AKR1C3: variants seen among roughly 807,000 people sequenced by gnomAD.
AKR1C3 encodes the protein aldo-keto reductase family 1 member C3.
AKR1C3 carries 48 observed loss-of-function variants against 43.6 expected under a neutral mutation model. The ratio of observed to expected loss-of-function variants is 1.10; its 90% CI spans 0.87 to 1.40. The LOEUF (loss-of-function observed/expected upper bound fraction) is 1.40. Ranked by LOEUF, AKR1C3 falls within the 40% of genes most tolerant of loss-of-function variation. AKR1C3 has a pLI of 0.00. For missense variants in AKR1C3, 482 were observed against 391.2 expected, an observed-to-expected ratio of 1.23 and a Z score of -1.96; for synonymous variants, 162 against 139.6, an observed-to-expected ratio of 1.16 and a Z score of -1.13.
chr10:5,096,608 ATGTATTTAT>A (rs781842542), intron 2 of AKR1C3, 31 bp downstream of exon 2: 1 of 1,600,708 alleles, frequency 6.2e-7, no homozygotes, highest in South Asian at 1.1e-5. Flanking sequence ...TTGTGTGCAC[ATGTATTTAT>A]TGTGATTGTG....
At chr10:5,085,672 G>T (rs372007116) in intron 1 of AKR1C3, among the ~76,000 whole-genome samples, 1 of 151,778 alleles carries the variant, frequency 6.6e-6, no homozygotes, top group Non-Finnish European at 1.5e-5. Flanking sequence ...CTTTGTACCT[G>T]TGGTAGAATT....
chr10:5,061,218 TGAC>T (rs1554780203), intron 1 of AKR1C3, among the ~76,000 whole-genome samples: 1 of 152,112 alleles, frequency 6.6e-6, no homozygotes, highest in African/African-American at 2.4e-5. Context: ...TGGGAGATGA[TGAC>T]AACCATTTTG....
Position 5,099,352 on chromosome 10 carries a change from G to C in AKR1C3, c.473G>C (p.Gly158Ala), listed in dbSNP as rs781822998. 6.2e-7 allele frequency: 1 copy of C among 1,614,140 alleles called. No individual in the cohort carries two copies. The highest frequency in any genetic ancestry group is 8.5e-7 in the Non-Finnish European group (1 of 1,180,038). The part of the protein sequence containing the change: ...WEAMEKCKDA[G>A]LAKSIGVSNF... ...GCCATGGAGAAGTGTAAGGATGCAG[G>C]ATTGGCCAAGTCCATTGGGGTGTCA... is the stretch of plus-strand genomic sequence containing the variant. Residue 158 changes from glycine to alanine, a missense_variant, in exon 5 of 9, where the codon GGA becomes GCA. Transcript: ENST00000380554.
At position 5,102,541 on chromosome 10, in the gene AKR1C3, A is replaced by T; in HGVS notation, c.737A>T (p.Lys246Ile). 1 of 1,576,550 alleles carries T rather than the reference A, an allele frequency of 6.3e-7. No individual in the cohort carries two copies. Among genetic ancestry groups the T allele is most frequent in the South Asian group, 1.2e-5 (1 of 86,484 alleles). Residue 246 changes from lysine to isoleucine, a missense_variant, in exon 7 of 9, where the codon AAA (lysine) becomes ATA (isoleucine). Lys to Ile is a moderately radical substitution (Grantham distance 102). Coordinates refer to ENST00000380554, the MANE Select transcript of AKR1C3 (RefSeq NM_003739.6). ...LEDPVLCALA[K>I]KHKRTPALIA... ...GACCCAGTCCTTTGTGCCTTGGCAA[A>T]AAAGCACAAGCGAACCCCAGCCCTG... is the stretch of plus-strand genomic sequence containing the variant.
intron 1 of AKR1C3, among the ~76,000 whole-genome samples, chr10:5,056,751 C>A (rs1838270151): frequency 6.6e-6 from 1 of 152,174 alleles, no homozygotes; most frequent in African/African-American, 2.4e-5. Flanking sequence ...TAGATAATAG[C>A]TCCAGCCTTG....
intron 1 of AKR1C3, among the ~76,000 whole-genome samples, chr10:5,079,940 A>T (rs940331332): frequency 2.0e-5 from 3 of 152,248 alleles, no homozygotes; most frequent in Admixed American, 1.3e-4. Context: ...TTGCACCTGC[A>T]GGGGTATCTG....
chr10:5,066,389 A>C, intron 1 of AKR1C3, among the ~76,000 whole-genome samples: 1 of 151,982 alleles, frequency 6.6e-6, no homozygotes, highest in Non-Finnish European at 1.5e-5. Flanking sequence ...CCTTAGTGCC[A>C]CTCTCAGTTA....
At chr10:5,087,058 A>C (rs11252930) in intron 1 of AKR1C3, among the ~76,000 whole-genome samples, 127,245 of 152,046 alleles carry the variant, frequency 0.84, 53,237 homozygotes, top group Middle Eastern at 0.91. Flanking sequence ...GAGCATTTAG[A>C]CCATTTACAT....
intron 1 of AKR1C3, among the ~76,000 whole-genome samples, chr10:5,087,667 C>T (rs1368629711): frequency 6.6e-6 from 1 of 152,020 alleles, no homozygotes; most frequent in Non-Finnish European, 1.5e-5. Context: ...GCCACTTTGT[C>T]CAGCCTCACC....
At chr10:5,080,097 C>A (rs1838799454) in intron 1 of AKR1C3, among the ~76,000 whole-genome samples, 1 of 152,098 alleles carries the variant, frequency 6.6e-6, no homozygotes, top group Admixed American at 6.5e-5. Context: ...GTGCCAAGAT[C>A]TTTGTCTTTT....
chr10:5,099,503 C>G, intron 5 of AKR1C3, 54 bp downstream of exon 5: 2 of 1,610,744 alleles, frequency 1.2e-6, no homozygotes, highest in Middle Eastern at 1.7e-4. Context: ...CTCTTCCTGT[C>G]CTATTGCCAA....
rs11551178 is a variant in AKR1C3 at position 5,105,631 on chromosome 10, G to T, written c.883G>T (p.Ala295Ser). The T allele has an allele frequency of 1.9e-6, 3 of 1,613,942 alleles. No individual in the cohort carries two copies. The highest frequency in any genetic ancestry group is 2.7e-5 in the African/African-American group (2 of 74,924). Residue 295 changes from alanine (A) to serine (S), a missense_variant, in exon 8 of 9, where the codon GCC (alanine) becomes TCC (serine). By Grantham distance (99) the Ala-to-Ser change is moderately conservative. Coordinates refer to ENST00000380554, the MANE Select transcript of AKR1C3 (RefSeq NM_003739.6). ...CCAGTTGACTGCAGAGGACATGAAAGCCATAGATGGCCTAGACAGAAATCT... is the reference window on the plus strand; with the variant it reads ...CCAGTTGACTGCAGAGGACATGAAATCCATAGATGGCCTAGACAGAAATCT... ...EFQLTAEDMK[A>S]IDGLDRNLHY... is the part of the protein sequence containing the mutation.
upstream of AKR1C3, among the ~76,000 whole-genome samples, chr10:5,091,550 A>G (rs1839089257): frequency 6.6e-6 from 1 of 152,078 alleles, no homozygotes. Flanking sequence ...ATTTTTAATA[A>G]TATTTGTATT....
intron 1 of AKR1C3, among the ~76,000 whole-genome samples, chr10:5,085,220 G>C (rs1235629346): frequency 2.0e-5 from 3 of 151,912 alleles, no homozygotes; most frequent in African/African-American, 7.3e-5. Context: ...GTTTGTCATA[G>C]ATAGCTCTTA....
At chr10:5,075,950 G>A (rs1313381281) in intron 1 of AKR1C3, among the ~76,000 whole-genome samples, 1 of 151,440 alleles carries the variant, frequency 6.6e-6, no homozygotes, top group Non-Finnish European at 1.5e-5. Flanking sequence ...GAGAGATGGA[G>A]GGGCACAGGT....
intron 1 of AKR1C3, among the ~76,000 whole-genome samples, chr10:5,065,728 G>A (rs1022148675): frequency 8.5e-5 from 13 of 152,150 alleles, no homozygotes; most frequent in Admixed American, 5.2e-4. Context: ...GTAAGGTTAC[G>A]AAGTCACTTA....
chr10:5,096,175 G>A, intron 1 of AKR1C3: 1 of 410,726 alleles, frequency 2.4e-6, no homozygotes, highest in Non-Finnish European at 4.3e-6. Context: ...ATCTGAGGGT[G>A]TTATTTGGTA....
chr10:5,056,222 T>C (rs1169218672), intron 1 of AKR1C3, among the ~76,000 whole-genome samples: 2 of 152,082 alleles, frequency 1.3e-5, no homozygotes, highest in African/African-American at 4.8e-5. Flanking sequence ...CCCTAAACCC[T>C]TGGGGCATGT....
intron 8 of AKR1C3, among the ~76,000 whole-genome samples, chr10:5,106,876 G>GATACC (rs140042540): frequency 6.6e-6 from 1 of 151,420 alleles, no homozygotes; most frequent in Non-Finnish European, 1.5e-5. Context: ...AAAATTGGTA[G>GATACC]ATATCATTGT....
Sources: gnomAD v4.1 joint callset for allele counts (sites outside exome capture counted in the v4.1 genomes callset) on GRCh38, gnomAD v4.1.1 for gene constraint, MANE v1.5 for transcripts, NCBI Gene and HGNC (gene_info 2026-07-23, HGNC 2026-07-21) for gene names.